The following DSC1 variants were observed in gnomAD, a reference collection of about 807,000 sequenced individuals.
DSC1 encodes desmocollin-1.
Under a neutral mutation model 98.8 loss-of-function variants are expected in DSC1, and 79 were observed. The observed-to-expected ratio is 0.80, with a 90% CI of 0.67 to 0.96. The LOEUF (loss-of-function observed/expected upper bound fraction) is 0.96. Among genes scored for constraint, DSC1 ranks in the 50% least tolerant of loss-of-function variants. The pLI is 0.00. For missense variants in DSC1, 1,115 were observed against 1,075.9 expected, an observed-to-expected ratio of 1.04 and a Z score of -0.51; for synonymous variants, 405 against 372.1, an observed-to-expected ratio of 1.09 and a Z score of -1.02.
chr18:31,145,421 G>A (rs1988826029), intron 7 of DSC1, among the ~76,000 whole-genome samples, 190 bp downstream of exon 7: 1 of 152,130 alleles, frequency 6.6e-6, no homozygotes, highest in Admixed American at 6.5e-5. Flanking sequence ...TTCAAGTGAG[G>A]CCCTGTCTAA....
intron 15 of DSC1, 70 bp downstream of exon 15, chr18:31,131,524 T>C (rs1440849249): frequency 1.3e-5 from 21 of 1,580,038 alleles, no homozygotes; most frequent in Admixed American, 1.7e-5. Flanking sequence ...AGTAAAACTT[T>C]TGGGAAATTC....
chr18:31,145,818 T>C lies in DSC1; in HGVS notation c.773-41A>G, dbSNP rs73954550. On this transcript the variant is annotated intron_variant, in intron 6 of 15. Coordinates refer to ENST00000257198, the MANE Select transcript of DSC1 (RefSeq NM_024421.2). ...CAAAAGTGTCAAAAATTTCTACTCA[T>C]ATAATTGAATTATAAACAAAATAAA... 4,349 of 1,575,082 alleles carry C rather than the reference T, an allele frequency of 2.8e-3. 113 individuals are homozygous for C. In the African/African-American group the frequency reaches 0.054, roughly 19 times the overall value.
At chr18:31,153,239 T>A (rs11874090) in intron 5 of DSC1, among the ~76,000 whole-genome samples, 35,704 of 151,920 alleles carry the variant, frequency 0.24, 4,704 homozygotes, top group East Asian at 0.56. Flanking sequence ...GAAGTGAATA[T>A]TGCAACATAC....
chr18:31,130,290 A>T lies in DSC1; in HGVS notation c.*224T>A. 1.7e-6 allele frequency: 1 copy of T among 573,222 alleles called. No individual in the cohort carries two copies. Among genetic ancestry groups the T allele is most frequent in the South Asian group, 2.2e-5 (1 of 45,716 alleles). 35.5% of individuals were successfully genotyped at this position (573,222 alleles called of 1,614,324 possible). On this transcript the variant is annotated 3_prime_UTR_variant, in exon 16 of 16. Transcript: ENST00000257198. ...CAGTCGTGAAAAGGGCAATATATACATGCATATAAAAGAGAATTAACAAAC... is the reference window on the plus strand; with the variant it reads ...CAGTCGTGAAAAGGGCAATATATACTTGCATATAAAAGAGAATTAACAAAC...
chr18:31,130,627 G>A lies in DSC1; in HGVS notation c.2572C>T (p.Leu858=). ...CTGCAGCAACCTACTGAGCCGGCCA[G>A]AGAACCTTTGCCTTCATAGTTATAC... ...CSYNYEGKGS[L]AGSVGCCSDR... Residue 858 remains leucine (L), a synonymous_variant, in exon 16 of 16, where the codon CTG becomes TTG. Coordinates refer to ENST00000257198, the MANE Select transcript of DSC1 (RefSeq NM_024421.2). The A allele has an allele frequency of 6.2e-7, 1 of 1,614,152 alleles. No homozygotes were observed. The highest frequency in any genetic ancestry group is 8.5e-7 in the Non-Finnish European group (1 of 1,180,032).
At chr18:31,154,196 A>C (rs899649756) in intron 5 of DSC1, among the ~76,000 whole-genome samples, 9 of 152,070 alleles carry the variant, frequency 5.9e-5, no homozygotes, top group African/African-American at 2.2e-4. Context: ...AAATGAATTG[A>C]TAAACTTGTT....
rs1988831376 is a variant in DSC1, at chr18:31,145,668, G to A, written c.882C>T (p.Phe294=). ...TGACACCGGTATCTGGGTGTATGGA[G>A]AAATGCTTTGGATGATCTGGGATTT... ...LQQIPDHPKH[F]SIHPDTGVIT... is the part of the protein sequence containing the mutation. The change falls in exon 7 of 16, where the codon TTC becomes TTT. Residue 294 remains phenylalanine (F), a synonymous_variant. Coordinates refer to ENST00000257198, the MANE Select transcript of DSC1 (RefSeq NM_024421.2). 6.2e-7 allele frequency: 1 copy of A among 1,614,196 alleles called. No homozygotes were observed. Among genetic ancestry groups the A allele is most frequent in the Non-Finnish European group, 8.5e-7 (1 of 1,180,026 alleles).
Position 31,150,364 on chromosome 18 carries a change from C to CACG in DSC1, c.628-1723_628-1722insCGT, listed in dbSNP as rs1457032407. 1.9e-3 allele frequency among the ~76,000 whole-genome samples: 55 copies of CACG among 29,376 alleles called. 6 individuals are homozygous for CACG. Among genetic ancestry groups the CACG allele is most frequent in the Non-Finnish European group, 3.1e-3 (43 of 13,688 alleles). The allele number at this position is 29,376 out of a possible 152,430, so 19.3% of individuals were successfully genotyped here. A position where few individuals can be genotyped will look rare whatever the true frequency, so the allele number is the denominator to read the frequency against. On this transcript the variant is annotated intron_variant, in intron 5 of 15. Coordinates refer to ENST00000257198, the MANE Select transcript of DSC1 (RefSeq NM_024421.2). ...CCATCACCACCACCACCACCATCATCACCACCACCATCATCACCACCATCA... is the reference window on the plus strand; with the variant it reads ...CCATCACCACCACCACCACCATCATCACGACCACCACCATCATCACCACCATCA...
At chr18:31,148,711 G>A (rs1988899711) in intron 5 of DSC1, 69 bp from the exon 6 acceptor site, 1 of 1,387,028 alleles carries the variant, frequency 7.2e-7, no homozygotes, top group African/African-American at 1.5e-5. Context: ...AAGCCTAGCA[G>A]TGGGGGAAAA....
intron 1 of DSC1, 39 bp downstream of exon 1, chr18:31,162,493 A>G (rs1172725264): frequency 3.2e-6 from 5 of 1,585,778 alleles, no homozygotes; most frequent in Non-Finnish European, 4.3e-6. Flanking sequence ...AGCAGGTAGT[A>G]ACATGCTTGA....
At position 31,141,881 on chromosome 18, in the gene DSC1, T is replaced by A; in HGVS notation, c.1260+118A>T. ...ACAACAAAGTTTATATAAACCAATA[T>A]AAATCATTTGGCCTTGCACTGCAGT... is the stretch of plus-strand genomic sequence containing the variant. On this transcript the variant is annotated intron_variant, in intron 9 of 15. Coordinates refer to ENST00000257198, the MANE Select transcript of DSC1 (RefSeq NM_024421.2). 4 of 965,824 alleles carry A rather than the reference T, an allele frequency of 4.1e-6. No homozygotes were observed. In the South Asian group the frequency reaches 8.6e-5, roughly 21 times the overall value. 59.8% of individuals were successfully genotyped at this position (965,824 alleles called of 1,614,324 possible).
intron 14 of DSC1, 147 bp downstream of exon 14, chr18:31,132,421 G>T (rs1988514134): frequency 8.0e-6 from 9 of 1,121,566 alleles, no homozygotes; most frequent in Non-Finnish European, 1.1e-5. Context: ...AGGTTTAAAT[G>T]ATTTAAAACA....
intron 3 of DSC1, 124 bp from the exon 4 acceptor site, chr18:31,156,286 C>T: frequency 8.6e-7 from 1 of 1,158,090 alleles, no homozygotes; most frequent in Non-Finnish European, 1.2e-6. Flanking sequence ...GGCTAGTCAG[C>T]AAAGCATTTC....
At chr18:31,148,691 G>C (rs761603981) in intron 5 of DSC1, 49 bp from the exon 6 acceptor site, 1 of 1,469,698 alleles carries the variant, frequency 6.8e-7, no homozygotes, top group Non-Finnish European at 9.2e-7. Flanking sequence ...CACAAATTAT[G>C]CACAAAAGTA....
At chr18:31,144,484 T>C (rs952892100) in intron 7 of DSC1, among the ~76,000 whole-genome samples, 3 of 152,118 alleles carry the variant, frequency 2.0e-5, no homozygotes, top group Admixed American at 6.5e-5. Flanking sequence ...AGCATATTAC[T>C]AAATGAAAGA....
In DSC1 at chr18:31,130,629, G is replaced by A; in HGVS notation, c.2570C>T (p.Ser857Phe). The change falls in exon 16 of 16, where the codon TCT becomes TTT. Residue 857 changes from serine to phenylalanine, a missense_variant. Transcript: ENST00000257198. ...VCSYNYEGKG[S>F]LAGSVGCCSD... Reference sequence around the variant, plus strand: ...GCAGCAACCTACTGAGCCGGCCAGAGAACCTTTGCCTTCATAGTTATACGA... The same window carrying A: ...GCAGCAACCTACTGAGCCGGCCAGAAAACCTTTGCCTTCATAGTTATACGA... 6.2e-7 allele frequency: 1 copy of A among 1,614,164 alleles called. No homozygotes were observed. The highest frequency in any genetic ancestry group is 8.5e-7 in the Non-Finnish European group (1 of 1,180,032).
intron 9 of DSC1, among the ~76,000 whole-genome samples, chr18:31,140,634 T>A (rs1740148892): frequency 6.6e-6 from 1 of 152,200 alleles, no homozygotes; most frequent in South Asian, 2.1e-4. Context: ...TTATATGGGA[T>A]AACAGTGACA....
At chr18:31,157,259 T>A in intron 3 of DSC1, 112 bp downstream of exon 3, 2 of 1,146,524 alleles carry the variant, frequency 1.7e-6, no homozygotes, top group African/African-American at 1.6e-5. Flanking sequence ...AAAAGACAAA[T>A]TTGTCATTCA....
chr18:31,142,283 G>A, intron 8 of DSC1, 99 bp from the exon 9 acceptor site: 1 of 1,285,778 alleles, frequency 7.8e-7, no homozygotes. Flanking sequence ...ATAAAGTGAT[G>A]TGAAAAGCTG....
Sources: gnomAD v4.1 joint callset for allele counts (sites outside exome capture counted in the v4.1 genomes callset) on GRCh38, gnomAD v4.1.1 for gene constraint, MANE v1.5 for transcripts, NCBI Gene and HGNC (gene_info 2026-07-23, HGNC 2026-07-21) for gene names.